Variants in DLG2 observed in about 807,000 individuals in gnomAD.
DLG2 encodes the protein disks large homolog 2.
In DLG2, 45 loss-of-function variants were observed where a neutral mutation model predicts 132.5. That is an observed-to-expected ratio of 0.34 (90% CI 0.27 to 0.44). The LOEUF (loss-of-function observed/expected upper bound fraction) is 0.44, where lower values mean the gene tolerates loss of function less well. DLG2 is among the 20% of genes least tolerant of loss of function. The probability of loss-of-function intolerance (pLI) is 1.00; values close to 1 mark genes in which losing one functional copy is unlikely to be tolerated. For missense variants in DLG2, 1,045 were observed against 1,196.9 expected (o/e 0.87, Z 1.87); for synonymous variants, 424 against 419.6 (o/e 1.01, Z -0.13).
At chr11:84,258,926 G>A (rs1483153248) in intron 7 of DLG2, among the ~76,000 whole-genome samples, 1 of 152,110 alleles carries the variant, frequency 6.6e-6, no homozygotes, top group Non-Finnish European at 1.5e-5. Flanking sequence ...TTAAAAATGG[G>A]ACAGTGCTAT....
At chr11:85,079,414 T>G (rs1038526907) in intron 6 of DLG2, among the ~76,000 whole-genome samples, 1 of 151,996 alleles carries the variant, frequency 6.6e-6, no homozygotes, top group Non-Finnish European at 1.5e-5. Flanking sequence ...TGAACTCATG[T>G]TTAAGGTTAA....
intron 7 of DLG2, among the ~76,000 whole-genome samples, chr11:84,421,701 C>A (rs1567592199): frequency 6.6e-6 from 1 of 152,174 alleles, no homozygotes. Context: ...CAAACCAAAC[C>A]TTTTACCATC....
At chr11:84,471,404 C>T (rs1204170726) in intron 7 of DLG2, among the ~76,000 whole-genome samples, 1 of 151,790 alleles carries the variant, frequency 6.6e-6, no homozygotes, top group Non-Finnish European at 1.5e-5. Flanking sequence ...CTCCAACAAC[C>T]CTTTCTCTTT....
At chr11:84,290,017 A>AT (rs1353364357) in intron 7 of DLG2, among the ~76,000 whole-genome samples, 1 of 152,156 alleles carries the variant, frequency 6.6e-6, no homozygotes, top group Non-Finnish European at 1.5e-5. Flanking sequence ...AAGTTTGCTC[A>AT]TTCTGGTATT....
In DLG2 at chr11:85,430,102, G is replaced by A. The variant is rs188139990; in HGVS notation, c.41-144737C>T. ...AAACCATCACTCTCAGCAAACTATC[G>A]CAAGGACAAAAAAACCAAACACCAC... On this transcript the variant is annotated intron_variant, in intron 3 of 27. Coordinates refer to ENST00000376104, the MANE Select transcript of DLG2 (RefSeq NM_001142699.3). 2.3e-3 allele frequency among the ~76,000 whole-genome samples: 342 copies of A among 150,462 alleles called. 3 individuals carry two copies. The highest frequency in any genetic ancestry group is 6.5e-4 in the Non-Finnish European group (44 of 67,756).
chr11:83,653,115 T>C (rs559077615), intron 18 of DLG2, among the ~76,000 whole-genome samples: 2 of 152,346 alleles, frequency 1.3e-5, no homozygotes, highest in South Asian at 4.1e-4. Context: ...ACAAAATGAC[T>C]GTAAATATGA....
chr11:85,494,399 A>G (rs1425448357), intron 3 of DLG2, among the ~76,000 whole-genome samples: 1 of 152,230 alleles, frequency 6.6e-6, no homozygotes, highest in African/African-American at 2.4e-5. Context: ...ATATATTTAC[A>G]GCCCAAAATC....
At chr11:84,395,630 C>T (rs1351275655) in intron 7 of DLG2, among the ~76,000 whole-genome samples, 1 of 152,088 alleles carries the variant, frequency 6.6e-6, no homozygotes, top group Non-Finnish European at 1.5e-5. Context: ...GTTGCCCAGG[C>T]TAGAGGTTTC....
intron 3 of DLG2, among the ~76,000 whole-genome samples, chr11:85,322,249 A>C (rs1056599017): frequency 1.3e-5 from 2 of 151,938 alleles, no homozygotes; most frequent in African/African-American, 4.8e-5. Flanking sequence ...TTTCCGTGTA[A>C]ATTTTCCTAT....
intron 6 of DLG2, among the ~76,000 whole-genome samples, chr11:84,696,821 T>G (rs527887008): frequency 1.3e-5 from 2 of 151,480 alleles, no homozygotes; most frequent in African/African-American, 2.4e-5. Flanking sequence ...TCTTACCAAA[T>G]GTCACATTGG....
chr11:83,810,875 A>G (rs1008901022), intron 17 of DLG2, among the ~76,000 whole-genome samples: 1 of 152,118 alleles, frequency 6.6e-6, no homozygotes, highest in Admixed American at 6.6e-5. Flanking sequence ...CTCAGTATAT[A>G]TAAGATGATC....
chr11:84,867,047 C>G (rs2084678923), intron 6 of DLG2, among the ~76,000 whole-genome samples: 1 of 152,120 alleles, frequency 6.6e-6, no homozygotes. Context: ...AGTATATAAA[C>G]TGGTTCAGCT....
intron 7 of DLG2, among the ~76,000 whole-genome samples, chr11:84,323,719 CCTTT>C (rs2098416930): frequency 7.2e-6 from 1 of 138,998 alleles, no homozygotes; most frequent in Non-Finnish European, 1.6e-5. Flanking sequence ...TTTCTTTTTT[CCTTT>C]TTTTTTTTTT....
chr11:84,793,769 T>G (rs939242153), intron 6 of DLG2, among the ~76,000 whole-genome samples: 16 of 152,180 alleles, frequency 1.1e-4, no homozygotes, highest in African/African-American at 3.9e-4. Flanking sequence ...CTTTTTCTAT[T>G]TTTATTCTAT....
At chr11:83,921,960 A>G (rs790375) in intron 15 of DLG2, among the ~76,000 whole-genome samples, 122,210 of 152,020 alleles carry the variant, frequency 0.8, 49,212 homozygotes, top group East Asian at 0.93. Flanking sequence ...TCACTTCCCA[A>G]CTCTGTTATC....
At chr11:83,937,768 T>C (rs981334355) in intron 14 of DLG2, among the ~76,000 whole-genome samples, 4 of 152,160 alleles carry the variant, frequency 2.6e-5, no homozygotes, top group Non-Finnish European at 5.9e-5. Context: ...AAATGATACA[T>C]CCCTTTTACC....
In DLG2 at chr11:85,221,223, T is replaced by C. The variant is rs574441450; in HGVS notation, c.186+63997A>G. On this transcript the variant is annotated intron_variant, in intron 4 of 27. Transcript: ENST00000376104. The stretch of plus-strand genomic sequence containing the variant: ...ACACCCGGCTAATTTTTTGTATTTT[T>C]AGTAGAGATGGGGTTTCACCGCCAG... Among the ~76,000 whole-genome samples, 5 of 152,090 alleles carry C rather than the reference T, an allele frequency of 3.3e-5. No individual in the cohort carries two copies. In the East Asian group the frequency reaches 9.7e-4, roughly 29 times the overall value.
At chr11:84,196,039 A>G (rs1429465398) in intron 8 of DLG2, among the ~76,000 whole-genome samples, 1 of 152,216 alleles carries the variant, frequency 6.6e-6, no homozygotes, top group Non-Finnish European at 1.5e-5. Flanking sequence ...AATTATTTGT[A>G]TGTAGATCAT....
intron 6 of DLG2, among the ~76,000 whole-genome samples, chr11:85,018,221 A>G (rs926364641): frequency 1.3e-5 from 2 of 152,192 alleles, no homozygotes; most frequent in Non-Finnish European, 2.9e-5. Context: ...GAACATAATC[A>G]GCTTTCTTTT....
Sources: gnomAD v4.1 joint callset for allele counts (sites outside exome capture counted in the v4.1 genomes callset) on GRCh38, gnomAD v4.1.1 for gene constraint, MANE v1.5 for transcripts, NCBI Gene and HGNC (gene_info 2026-07-23, HGNC 2026-07-21) for gene names.